The following USP7 variants were observed in gnomAD, a reference collection of about 807,000 sequenced individuals.
USP7 encodes ubiquitin specific peptidase 7.
USP7 carries 9 observed loss-of-function variants against 162.9 expected under a neutral mutation model. The observed-to-expected ratio is 0.06, with a 90% CI of 0.03 to 0.10. The LOEUF is 0.10. Among genes scored for constraint, USP7 ranks in the 10% least tolerant of loss-of-function variants. USP7 has a pLI of 1.00. For missense variants in USP7, 715 were observed against 1,373.7 expected, an observed-to-expected ratio of 0.52 and a Z score of 7.58; for synonymous variants, 562 against 475.9, an observed-to-expected ratio of 1.18 and a Z score of -2.35.
chr16:8,942,279 T>C (rs1221884761), intron 1 of USP7, among the ~76,000 whole-genome samples: 1 of 152,214 alleles, frequency 6.6e-6, no homozygotes, highest in Non-Finnish European at 1.5e-5. Flanking sequence ...GTGACTGGGA[T>C]GCCCAGTGGA....
rs1360317436 is a variant in USP7, at chr16:8,892,484, GCGCCTGC to G, written c.*1507_*1513del. 4 of 152,154 alleles carry G rather than the reference GCGCCTGC, an allele frequency of 2.6e-5. No individual in the cohort carries two copies. Among genetic ancestry groups the G allele is most frequent in the Admixed American group, 1.3e-4 (2 of 15,282 alleles). The allele number at this position is 152,154 out of a possible 1,614,324, so 9.4% of individuals were successfully genotyped here. A position where few individuals can be genotyped will look rare whatever the true frequency, so the allele number is the denominator to read the frequency against. ...CGGTGCAAGGACCACGCCCACGATA[GCGCCTGC>G]CGCCCCGAAGGGCCTCGTGACACAT... On this transcript the variant is annotated 3_prime_UTR_variant, in exon 31 of 31. Transcript: ENST00000344836.
rs1253223274 is a variant in USP7 at position 8,947,375 on chromosome 16, T to G, written c.79+15832A>C. 2.0e-5 allele frequency among the ~76,000 whole-genome samples: 3 copies of G among 150,978 alleles called. No homozygotes were observed. The East Asian group carries it at 5.9e-4, about 30-fold the overall frequency. The stretch of plus-strand genomic sequence containing the variant: ...CCCCCCAACACACACACACACAGGG[T>G]CTCACTCTTATCACCCAGGCCGAAG... On this transcript the variant is annotated intron_variant, in intron 1 of 30. Transcript: ENST00000344836.
At chr16:8,900,058 T>C in intron 21 of USP7, 3 of 458,574 alleles carry the variant, frequency 6.5e-6, no homozygotes. Flanking sequence ...CCAGACGCAG[T>C]GTCTTGCCCA....
At chr16:8,900,711 G>A (rs1424115700) in intron 20 of USP7, 81 bp from the exon 21 acceptor site, 2 of 1,029,416 alleles carry the variant, frequency 1.9e-6, no homozygotes, top group African/African-American at 1.6e-5. Context: ...ATGTACTTAA[G>A]TATTTTCTCT....
chr16:8,902,920 T>C (rs188952557), intron 16 of USP7, among the ~76,000 whole-genome samples: 1 of 152,326 alleles, frequency 6.6e-6, no homozygotes, highest in East Asian at 1.9e-4. Flanking sequence ...AAAAGAATTC[T>C]AATTCTTCCC....
chr16:8,930,264 C>T (rs377464694), intron 2 of USP7, 29 bp downstream of exon 2: 2 of 1,575,532 alleles, frequency 1.3e-6, no homozygotes, highest in East Asian at 2.3e-5. Context: ...TTTCCGCCCA[C>T]TGCGAGGCGG....
At chr16:8,949,098 A>T (rs910436745) in intron 1 of USP7, among the ~76,000 whole-genome samples, 1 of 152,274 alleles carries the variant, frequency 6.6e-6, no homozygotes, top group Non-Finnish European at 1.5e-5. Flanking sequence ...GCTGATAGTC[A>T]CACAATTGTG....
chr16:8,928,368 T>C lies in USP7; in HGVS notation c.184+1925A>G, dbSNP rs191180592. ...AAAGGGGGAGCTCTGAAGTCCAGAG[T>C]CTTAGGGAATCATTAACAAAAACTT... On this transcript the variant is annotated intron_variant, in intron 2 of 30. Transcript: ENST00000344836. Among the ~76,000 whole-genome samples the C allele has an allele frequency of 4.7e-3, 712 of 152,124 alleles. 2 individuals are homozygous for C. Among genetic ancestry groups the C allele is most frequent in the Non-Finnish European group, 8.4e-3 (572 of 68,014 alleles).
chr16:8,956,774 A>C (rs1001773424), intron 1 of USP7, among the ~76,000 whole-genome samples: 3 of 132,692 alleles, frequency 2.3e-5, no homozygotes, highest in African/African-American at 7.7e-5. Flanking sequence ...AAAAAACAAA[A>C]ACAAAAAAAA....
chr16:8,926,669 A>G (rs1216610426), intron 2 of USP7, among the ~76,000 whole-genome samples: 1 of 152,234 alleles, frequency 6.6e-6, no homozygotes, highest in Non-Finnish European at 1.5e-5. Flanking sequence ...GCAACTTCCA[A>G]GTATGCTAGG....
At position 8,903,255 on chromosome 16, in the gene USP7, G is replaced by A. The variant is rs369568767; in HGVS notation, c.1839+13C>T. The A allele has an allele frequency of 1.9e-6, 3 of 1,608,792 alleles. No individual in the cohort carries two copies. Among genetic ancestry groups the A allele is most frequent in the Non-Finnish European group, 2.5e-6 (3 of 1,177,148 alleles). ...GAGCCACGGTGGGGTATATCCACGG[G>A]ACCGGTACGCACCATGGTCTGAGAG... is the stretch of plus-strand genomic sequence containing the variant. On this transcript the variant is annotated intron_variant, in intron 16 of 30. Transcript: ENST00000344836.
At chr16:8,936,547 C>G in intron 1 of USP7, 1 of 1,502,872 alleles carries the variant, frequency 6.7e-7, no homozygotes, top group Non-Finnish European at 8.8e-7. Flanking sequence ...CCATCCATCA[C>G]CAGCATAAGG....
At chr16:8,915,673 A>G in intron 8 of USP7, 148 bp from the exon 9 acceptor site, 1 of 734,618 alleles carries the variant, frequency 1.4e-6, no homozygotes, top group Non-Finnish European at 2.2e-6. Context: ...AAAAACATAC[A>G]AAATCTTCTT....
intron 23 of USP7, 82 bp downstream of exon 23, chr16:8,899,039 T>C (rs954188330): frequency 8.9e-6 from 13 of 1,454,488 alleles, no homozygotes; most frequent in South Asian, 2.4e-5. Flanking sequence ...GAGCTAATTA[T>C]TAAAATTAGT....
chr16:8,931,251 C>A (rs1192457085), intron 1 of USP7, among the ~76,000 whole-genome samples: 1 of 151,660 alleles, frequency 6.6e-6, no homozygotes. Flanking sequence ...TGCAGTGGCG[C>A]AATCTCAGCT....
At chr16:8,923,083 G>C in intron 3 of USP7, 132 bp downstream of exon 3, 1 of 669,420 alleles carries the variant, frequency 1.5e-6, no homozygotes, top group Non-Finnish European at 2.5e-6. Context: ...ACATATACCA[G>C]TGGGTTTTAA....
intron 1 of USP7, among the ~76,000 whole-genome samples, chr16:8,947,145 C>T (rs965124308): frequency 1.3e-5 from 2 of 152,038 alleles, no homozygotes; most frequent in Non-Finnish European, 2.9e-5. Flanking sequence ...ATTAAAATTA[C>T]ACTGCAGCTG....
intron 20 of USP7, 66 bp downstream of exon 20, chr16:8,900,924 G>C (rs181005267): frequency 1.6e-4 from 248 of 1,535,948 alleles, no homozygotes; most frequent in Non-Finnish European, 2.1e-4. Flanking sequence ...GGGGTAAAAA[G>C]AACAAACAAA....
intron 1 of USP7, 195 bp downstream of exon 1, chr16:8,963,012 C>A: frequency 6.4e-6 from 2 of 313,228 alleles, no homozygotes; most frequent in East Asian, 6.8e-5. Flanking sequence ...GCCGGGGTCC[C>A]GGCGGCCGCC....
Sources: allele counts gnomAD v4.1 joint callset (sites outside exome capture counted in the v4.1 genomes callset), GRCh38; gene constraint gnomAD v4.1.1; transcripts MANE v1.5; gene names NCBI Gene and HGNC (gene_info 2026-07-23, HGNC 2026-07-21).